Variants in TIE1 observed in about 807,000 individuals in gnomAD.
TIE1 encodes tyrosine-protein kinase receptor Tie-1.
In TIE1, 89 loss-of-function variants were observed where a neutral mutation model predicts 130.5. The observed-to-expected ratio is 0.68, with a 90% CI of 0.57 to 0.81. The LOEUF (loss-of-function observed/expected upper bound fraction) is 0.81, where lower values mean the gene tolerates loss of function less well. Among genes scored for constraint, TIE1 ranks in the 40% least tolerant of loss-of-function variants. The pLI, the probability that TIE1 is intolerant of heterozygous loss-of-function variation, is 0.00. For missense variants in TIE1, 1,392 were observed against 1,559.8 expected (o/e 0.89, Z 1.81); for synonymous variants, 568 against 629.4 (o/e 0.90, Z 1.46).
rs537250554 is a variant in TIE1, at chr1:43,309,147, C to T, written c.1188+16C>T. On this transcript the variant is annotated intron_variant, in intron 8 of 22. Coordinates refer to ENST00000372476, the MANE Select transcript of TIE1 (RefSeq NM_005424.5). The surrounding 1 kb of genome is among the most constrained non-coding windows in gnomAD (Gnocchi z 6.3). The stretch of plus-strand genomic sequence containing the variant: ...TGTGCTCCTGGTCAGCCCCCAATCA[C>T]CCCAACCCACCAGCCCCTCAGGCCG... 1 of 1,573,700 alleles carries T rather than the reference C, an allele frequency of 6.4e-7. No individual in the cohort carries two copies. Among genetic ancestry groups the T allele is most frequent in the Admixed American group, 1.8e-5 (1 of 56,868 alleles).
Position 43,311,956 on chromosome 1 carries a change from G to T in TIE1, c.1493-38G>T, listed in dbSNP as rs371580698. The stretch of plus-strand genomic sequence containing the variant: ...GAGCATGGCAGCTTCTAGAAGAGGT[G>T]GGGGCTGAATAATGTGTGCTTTACA... On this transcript the variant is annotated intron_variant, in intron 10 of 22. Transcript: ENST00000372476. 2.9e-5 allele frequency: 46 copies of T among 1,562,680 alleles called. No homozygotes were observed. The African/African-American group carries it at 6.1e-4, about 21-fold the overall frequency.
At position 43,322,863 on chromosome 1, in the gene TIE1, G is replaced by C. The variant is rs1426436291; in HGVS notation, c.*141G>C. The stretch of plus-strand genomic sequence containing the variant: ...CTTAAGGGAGAAAAAAAGGGATCTG[G>C]GGATGGGGTGGGCTTAGGGGAACTG... On this transcript the variant is annotated 3_prime_UTR_variant, in exon 23 of 23. Coordinates refer to ENST00000372476, the MANE Select transcript of TIE1 (RefSeq NM_005424.5). This position sits in a 1 kb window ranked among gnomAD's most constrained non-coding sequence, Gnocchi z 4.0. 1.4e-6 allele frequency: 1 copy of C among 718,696 alleles called. No individual in the cohort carries two copies. The highest frequency in any genetic ancestry group is 2.3e-6 in the Non-Finnish European group (1 of 431,760). The allele number at this position is 718,696 out of a possible 1,614,324, so 44.5% of individuals were successfully genotyped here. A position where few individuals can be genotyped will look rare whatever the true frequency, so the allele number is the denominator to read the frequency against.
At position 43,317,147 on chromosome 1, in the gene TIE1, C is replaced by T; in HGVS notation, c.2410-52C>T. ...GTGTGCCTGTCTGTGCCTCCTTCCG[C>T]CCCCTTTGACTCTTGCGTGGACCGT... On this transcript the variant is annotated intron_variant, in intron 14 of 22. Transcript: ENST00000372476. The surrounding 1 kb of genome is among the most constrained non-coding windows in gnomAD (Gnocchi z 5.1). The T allele has an allele frequency of 1.3e-6, 2 of 1,589,944 alleles. No individual in the cohort carries two copies. The highest frequency in any genetic ancestry group is 1.7e-6 in the Non-Finnish European group (2 of 1,159,600).
chr1:43,304,279 C>A (rs1388802803), intron 1 of TIE1, among the ~76,000 whole-genome samples: 3 of 152,210 alleles, frequency 2.0e-5, no homozygotes, highest in Non-Finnish European at 4.4e-5. Context: ...CAAAACTCAG[C>A]CTCTCCCACC....
In TIE1 at chr1:43,307,099, G is replaced by A. The variant is rs1271016507; in HGVS notation, c.641-43G>A. On this transcript the variant is annotated intron_variant, in intron 4 of 22. Transcript: ENST00000372476. The surrounding 1 kb of genome is among the most constrained non-coding windows in gnomAD (Gnocchi z 5.4). Reference sequence around the variant, plus strand: ...GCCCCTGGATCTCCAGTCCTCAGTGGTCAGGTGGGTGAGGGTCAGCTGCTG... The same window carrying A: ...GCCCCTGGATCTCCAGTCCTCAGTGATCAGGTGGGTGAGGGTCAGCTGCTG... The A allele has an allele frequency of 1.2e-6, 2 of 1,613,666 alleles. No homozygotes were observed. Among genetic ancestry groups the A allele is most frequent in the Non-Finnish European group, 8.5e-7 (1 of 1,179,926 alleles).
At chr1:43,302,538 G>A (rs964821995) in intron 1 of TIE1, 2 of 152,274 alleles carry the variant, frequency 1.3e-5, no homozygotes, top group Non-Finnish European at 2.9e-5. Flanking sequence ...GGGAATCAAG[G>A]AAGATTTCAC....
rs930424786 is a variant in TIE1, at chr1:43,309,704, A to G, written c.1333+172A>G. Reference sequence around the variant, plus strand: ...CCAGAGGTCCGGGCTGGGCAGTGTCAAGGCTGGAGTACAGCTTAGACCCAT... The same window carrying G: ...CCAGAGGTCCGGGCTGGGCAGTGTCGAGGCTGGAGTACAGCTTAGACCCAT... On this transcript the variant is annotated intron_variant, in intron 9 of 22. Coordinates refer to ENST00000372476, the MANE Select transcript of TIE1 (RefSeq NM_005424.5). This position sits in a 1 kb window ranked among gnomAD's most constrained non-coding sequence, Gnocchi z 6.3. Among the ~76,000 whole-genome samples the G allele has an allele frequency of 2.4e-4, 36 of 152,266 alleles. No individual in the cohort carries two copies. The highest frequency in any genetic ancestry group is 8.7e-4 in the African/African-American group (36 of 41,552).
chr1:43,305,141 A>G lies in TIE1; in HGVS notation c.349A>G (p.Ile117Val), dbSNP rs1178548270. Reference sequence around the variant, plus strand: ...TGCTGGGGCGCGGCGCACGCGCGTCATCTACGTGCACAACAGCCCTGGAGG... The same window carrying G: ...TGCTGGGGCGCGGCGCACGCGCGTCGTCTACGTGCACAACAGCCCTGGAGG... ...GGAGARRTRV[I>V]YVHNSPGAHL... Residue 117 changes from isoleucine (I) to valine (V), a missense_variant, in exon 2 of 23, where the codon ATC becomes GTC. This residue lies in a region of TIE1 where 415 missense variants were observed against 424.8 expected (regional missense o/e 0.98). Coordinates refer to ENST00000372476, the MANE Select transcript of TIE1 (RefSeq NM_005424.5). The G allele has an allele frequency of 3.1e-6, 5 of 1,613,800 alleles. No homozygotes were observed. Among genetic ancestry groups the G allele is most frequent in the Non-Finnish European group, 3.4e-6 (4 of 1,179,894 alleles).
chr1:43,313,561 G>C lies in TIE1; in HGVS notation c.2218+136G>C, dbSNP rs750206335. Reference sequence around the variant, plus strand: ...TGACAAAGAGTCAGCCCCAGTCCTGGGGACTCAGCCTTCCATTCTCATGAT... The same window carrying C: ...TGACAAAGAGTCAGCCCCAGTCCTGCGGACTCAGCCTTCCATTCTCATGAT... On this transcript the variant is annotated intron_variant, in intron 13 of 22. Transcript: ENST00000372476. This position sits in a 1 kb window ranked among gnomAD's most constrained non-coding sequence, Gnocchi z 6.2. 3.3e-6 allele frequency: 4 copies of C among 1,212,552 alleles called. No homozygotes were observed. Among genetic ancestry groups the C allele is most frequent in the Non-Finnish European group, 4.5e-6 (4 of 879,596 alleles). 75.1% of individuals were successfully genotyped at this position (1,212,552 alleles called of 1,614,324 possible).
At position 43,307,424 on chromosome 1, in the gene TIE1, C is replaced by T; in HGVS notation, c.773-8C>T. 1 of 1,614,000 alleles carries T rather than the reference C, an allele frequency of 6.2e-7. No homozygotes were observed. Among genetic ancestry groups the T allele is most frequent in the Non-Finnish European group, 8.5e-7 (1 of 1,179,936 alleles). On this transcript the variant is annotated splice_region_variant and splice_polypyrimidine_tract_variant and intron_variant, in intron 5 of 22. Coordinates refer to ENST00000372476, the MANE Select transcript of TIE1 (RefSeq NM_005424.5). The surrounding 1 kb of genome is among the most constrained non-coding windows in gnomAD (Gnocchi z 5.4). The stretch of plus-strand genomic sequence containing the variant: ...GAGGCCCATACACCCCACACACTCT[C>T]TTTCTAGCCTGCAGAGAGGGCCGTT...
At position 43,318,834 on chromosome 1, in the gene TIE1, T is replaced by C. The variant is rs548557305; in HGVS notation, c.2923-401T>C. On this transcript the variant is annotated intron_variant, in intron 17 of 22. Transcript: ENST00000372476. This position sits in a 1 kb window ranked among gnomAD's most constrained non-coding sequence, Gnocchi z 4.4. ...TTTAAAGATAGTAAAGTTTTGAGTA[T>C]GTTTGAAAGCAGAGGGGCAGGGGAA... Among the ~76,000 whole-genome samples, 54 of 151,926 alleles carry C rather than the reference T, an allele frequency of 3.6e-4. No individual in the cohort carries two copies. Among genetic ancestry groups the C allele is most frequent in the Non-Finnish European group, 6.6e-4 (45 of 67,960 alleles).
Position 43,319,618 on chromosome 1 carries a change from G to T in TIE1, c.3107+89G>T. On this transcript the variant is annotated intron_variant, in intron 19 of 22. Coordinates refer to ENST00000372476, the MANE Select transcript of TIE1 (RefSeq NM_005424.5). This position sits in a 1 kb window ranked among gnomAD's most constrained non-coding sequence, Gnocchi z 4.7. ...GACATATCTCAGAAATGTCATAGGT[G>T]GTCTAAGGCATGACCTGGGCTGTGT... The T allele has an allele frequency of 2.9e-6, 4 of 1,362,474 alleles. No homozygotes were observed. Among genetic ancestry groups the T allele is most frequent in the Non-Finnish European group, 4.2e-6 (4 of 953,568 alleles). 84.4% of individuals were successfully genotyped at this position (1,362,474 alleles called of 1,614,324 possible). A position where few individuals can be genotyped will look rare whatever the true frequency, so the allele number is the denominator to read the frequency against.
In TIE1 at chr1:43,313,363, G is replaced by A. The variant is rs933894938; in HGVS notation, c.2156G>A (p.Arg719Gln). The A allele has an allele frequency of 1.4e-5, 23 of 1,614,004 alleles. No individual in the cohort carries two copies. Among genetic ancestry groups the A allele is most frequent in the South Asian group, 6.6e-5 (6 of 91,082 alleles). Reference sequence around the variant, plus strand: ...AGCACGCGCTACCTCTTCCGCATGCGGGCCAGCATTCAGGGGCTCGGGGAC... The same window carrying A: ...AGCACGCGCTACCTCTTCCGCATGCAGGCCAGCATTCAGGGGCTCGGGGAC... ...NASTRYLFRM[R>Q]ASIQGLGDWS... Residue 719 changes from arginine (R) to glutamine (Q), a missense_variant, in exon 13 of 23, where the codon CGG (arginine) becomes CAG (glutamine). This residue lies in a region of TIE1 where 551 missense variants were observed against 565.5 expected (regional missense o/e 0.97). Coordinates refer to ENST00000372476, the MANE Select transcript of TIE1 (RefSeq NM_005424.5). This position sits in a 1 kb window ranked among gnomAD's most constrained non-coding sequence, Gnocchi z 6.2.
At chr1:43,301,763 GGAGGCT>G (rs1646672869) in intron 1 of TIE1, among the ~76,000 whole-genome samples, 1 of 152,206 alleles carries the variant, frequency 6.6e-6, no homozygotes, top group Non-Finnish European at 1.5e-5. Context: ...CAGCTACTTG[GGAGGCT>G]GAGGCAAGAG....
rs369579713 is a variant in TIE1 at position 43,317,109 on chromosome 1, C to T, written c.2410-90C>T. On this transcript the variant is annotated intron_variant, in intron 14 of 22. Transcript: ENST00000372476. This position sits in a 1 kb window ranked among gnomAD's most constrained non-coding sequence, Gnocchi z 5.1. Reference sequence around the variant, plus strand: ...TGGGTCTCTGCCCACTTGTCTGACACTGAAACCTCCTCGTGTGCCTGTCTG... The same window carrying T: ...TGGGTCTCTGCCCACTTGTCTGACATTGAAACCTCCTCGTGTGCCTGTCTG... 19 of 1,406,772 alleles carry T rather than the reference C, an allele frequency of 1.4e-5. No individual in the cohort carries two copies. Among genetic ancestry groups the T allele is most frequent in the East Asian group, 1.1e-4 (5 of 43,792 alleles). The allele number at this position is 1,406,772 out of a possible 1,614,324, so 87.1% of individuals were successfully genotyped here.
At chr1:43,321,185 G>A in intron 19 of TIE1, 84 bp from the exon 20 acceptor site, 2 of 1,406,110 alleles carry the variant, frequency 1.4e-6, no homozygotes, top group Non-Finnish European at 1.0e-6. Context: ...GGGCTGGGAG[G>A]CACTGCACAT....
chr1:43,305,143 C>G lies in TIE1; in HGVS notation c.351C>G (p.Ile117Met), dbSNP rs200141630. ...GGAGARRTRV[I>M]YVHNSPGAHL... ...CTGGGGCGCGGCGCACGCGCGTCAT[C>G]TACGTGCACAACAGCCCTGGAGGTG... Residue 117 changes from isoleucine (I) to methionine (M), a missense_variant, in exon 2 of 23, where the codon ATC becomes ATG. Transcript: ENST00000372476. 1.1e-4 allele frequency: 173 copies of G among 1,613,994 alleles called. No homozygotes were observed. The highest frequency in any genetic ancestry group is 6.0e-4 in the Admixed American group (36 of 60,010).
At position 43,312,806 on chromosome 1, in the gene TIE1, C is replaced by G. The variant is rs1006999393; in HGVS notation, c.1927+205C>G. ...AGGGTACCAGGAGGACACAGATCAC[C>G]AGGAGCATGTGGGGAGAGCATGGGG... On this transcript the variant is annotated intron_variant, in intron 12 of 22. Coordinates refer to ENST00000372476, the MANE Select transcript of TIE1 (RefSeq NM_005424.5). This position sits in a 1 kb window ranked among gnomAD's most constrained non-coding sequence, Gnocchi z 5.6. Among the ~76,000 whole-genome samples, 3 of 149,796 alleles carry G rather than the reference C, an allele frequency of 2.0e-5. No homozygotes were observed. The highest frequency in any genetic ancestry group is 5.1e-5 in the African/African-American group (2 of 39,262).
At position 43,313,483 on chromosome 1, in the gene TIE1, C is replaced by G; in HGVS notation, c.2218+58C>G. 6.3e-7 allele frequency: 1 copy of G among 1,589,984 alleles called. No homozygotes were observed. The highest frequency in any genetic ancestry group is 8.6e-7 in the Non-Finnish European group (1 of 1,164,862). On this transcript the variant is annotated intron_variant, in intron 13 of 22. Transcript: ENST00000372476. The surrounding 1 kb of genome is among the most constrained non-coding windows in gnomAD (Gnocchi z 6.2). The stretch of plus-strand genomic sequence containing the variant: ...CTCTGAGCGGGGAGAGCTCAGCACG[C>G]TCTCCTTCCACATCACCCCCTACTG...
Sources: allele counts gnomAD v4.1 joint callset (sites outside exome capture counted in the v4.1 genomes callset), GRCh38; gene constraint gnomAD v4.1.1; regional missense constraint gnomAD v4.1.1; non-coding constraint Gnocchi (gnomAD v3.1); transcripts MANE v1.5; gene names NCBI Gene and HGNC (gene_info 2026-07-23, HGNC 2026-07-21).